Variants in TSPEAR observed in about 807,000 individuals in gnomAD.
TSPEAR encodes the protein thrombospondin-type laminin G domain and EAR repeat-containing protein.
TSPEAR carries 69 observed loss-of-function variants against 71.6 expected under a neutral mutation model. The ratio of observed to expected loss-of-function variants is 0.96; its 90% CI spans 0.79 to 1.18. TSPEAR has a LOEUF of 1.18. Ranked by LOEUF, TSPEAR falls within the 50% of genes most tolerant of loss-of-function variation. The pLI is 0.00. For synonymous variants in TSPEAR, 402 were observed against 387.2 expected (o/e 1.04, Z -0.45); for missense variants, 971 against 894.9 (o/e 1.09, Z -1.09).
intron 1 of TSPEAR, among the ~76,000 whole-genome samples, chr21:44,703,923 G>A (rs1479666544): frequency 6.6e-6 from 1 of 152,178 alleles, no homozygotes; most frequent in Admixed American, 6.5e-5. Flanking sequence ...AGTGGAGCTG[G>A]AACCGGCTGG....
rs781950338 is a variant in TSPEAR, at chr21:44,528,624, T to C, written c.791-41A>G. The C allele has an allele frequency of 2.5e-6, 4 of 1,609,144 alleles. No individual in the cohort carries two copies. The East Asian group carries it at 8.9e-5, about 36-fold the overall frequency. ...GGAAGATGAGTTTCCAGCAAGCCAG[T>C]GCCCCCAAAGGAAGACGACACAGGA... On this transcript the variant is annotated intron_variant, in intron 5 of 11. Coordinates refer to ENST00000323084, the MANE Select transcript of TSPEAR (RefSeq NM_144991.3).
intron 1 of TSPEAR, among the ~76,000 whole-genome samples, chr21:44,640,459 G>A (rs889013488): frequency 2.0e-5 from 3 of 152,224 alleles, no homozygotes; most frequent in African/African-American, 4.8e-5. Context: ...TTACATATTG[G>A]TGATGGCTGA....
At position 44,658,091 on chromosome 21, in the gene TSPEAR, G is replaced by A. The variant is rs782173625; in HGVS notation, c.82+53342C>T. 43 of 1,613,338 alleles carry A rather than the reference G, an allele frequency of 2.7e-5. No homozygotes were observed. The highest frequency in any genetic ancestry group is 2.0e-4 in the East Asian group (9 of 44,876). On this transcript the variant is annotated intron_variant, in intron 1 of 11. Coordinates refer to ENST00000323084, the MANE Select transcript of TSPEAR (RefSeq NM_144991.3). ...CTGCCAGTCCTCCGTGTGCATGCCC[G>A]TGAGCTGCACGCGCATTGTGTGCGT...
chr21:44,537,933 A>G (rs2053116931), intron 2 of TSPEAR, among the ~76,000 whole-genome samples: 2 of 152,228 alleles, frequency 1.3e-5, no homozygotes, highest in African/African-American at 2.4e-5. Context: ...CAGGGAGCTG[A>G]GAGCAGATCA....
At chr21:44,652,300 A>G (rs1555941625) in intron 1 of TSPEAR, among the ~76,000 whole-genome samples, 7 of 152,160 alleles carry the variant, frequency 4.6e-5, no homozygotes, top group Non-Finnish European at 1.5e-5. Flanking sequence ...CTAAAAGTTT[A>G]ATTTTTTTCC....
rs376779238 is a variant in TSPEAR at position 44,540,015 on chromosome 21, C to A, written c.304-6092G>T. 1.3e-5 allele frequency: 21 copies of A among 1,612,878 alleles called. No homozygotes were observed. The highest frequency in any genetic ancestry group is 1.8e-5 in the Non-Finnish European group (21 of 1,179,756). ...GACACACGGCTCACTGGGGTGCAGACCAGGGTCAGGCAGGGGGCCGGGGCG... is the reference window on the plus strand; with the variant it reads ...GACACACGGCTCACTGGGGTGCAGAACAGGGTCAGGCAGGGGGCCGGGGCG... On this transcript the variant is annotated intron_variant, in intron 2 of 11. Coordinates refer to ENST00000323084, the MANE Select transcript of TSPEAR (RefSeq NM_144991.3).
chr21:44,525,786 A>G lies in TSPEAR; in HGVS notation c.1203T>C (p.Ser401=), dbSNP rs781857914. 21 of 1,614,070 alleles carry G rather than the reference A, an allele frequency of 1.3e-5. No homozygotes were observed. The highest frequency in any genetic ancestry group is 1.8e-5 in the Non-Finnish European group (21 of 1,180,048). The part of the protein sequence containing the change: ...FEPDEKGQEF[S]VIYKWSHRKL... ...TTCTGTGGCTCCATTTGTAAATGAC[A>G]GAGAACTCCTGACCCTTCTCATCTG... The change falls in exon 8 of 12, where the codon TCT becomes TCC. Residue 401 remains serine (S), a synonymous_variant. Coordinates refer to ENST00000323084, the MANE Select transcript of TSPEAR (RefSeq NM_144991.3).
At position 44,580,013 on chromosome 21, in the gene TSPEAR, A is replaced by G. The variant is rs782020390; in HGVS notation, c.83-12008T>C. 7 of 1,595,044 alleles carry G rather than the reference A, an allele frequency of 4.4e-6. No individual in the cohort carries two copies. In the East Asian group the frequency reaches 1.6e-4, roughly 36 times the overall value. On this transcript the variant is annotated intron_variant, in intron 1 of 11. Transcript: ENST00000323084. Reference sequence around the variant, plus strand: ...AGTGGAAGCCCCAGAGCAGACGGGCACACAGCAGATGGGTTTGCAGCAGAC... The same window carrying G: ...AGTGGAAGCCCCAGAGCAGACGGGCGCACAGCAGATGGGTTTGCAGCAGAC...
chr21:44,521,836 C>T (rs782649569), intron 9 of TSPEAR, 47 bp downstream of exon 9: 24 of 1,553,332 alleles, frequency 1.5e-5, no homozygotes, highest in Middle Eastern at 1.8e-4. Context: ...AGGTGACAGA[C>T]GCAGTGGCCA....
chr21:44,516,853 C>A (rs2052588109), intron 9 of TSPEAR, among the ~76,000 whole-genome samples: 1 of 151,984 alleles, frequency 6.6e-6, no homozygotes, highest in Admixed American at 6.5e-5. Flanking sequence ...TTGTCCCCTC[C>A]TGGGTATGGC....
chr21:44,533,787 A>C lies in TSPEAR; in HGVS notation c.440T>G (p.Phe147Cys). The change falls in exon 3 of 12, where the codon TTC becomes TGC. Residue 147 changes from phenylalanine to cysteine, a missense_variant. Coordinates refer to ENST00000323084, the MANE Select transcript of TSPEAR (RefSeq NM_144991.3). ...TAGAWQTRVS[F>C]RSPALVDGRW... ...GCCATCCACCAGGGCCGGGCTGCGG[A>C]AGGACACTCGGGTCTGCCAGGCGCC... The C allele has an allele frequency of 6.2e-7, 1 of 1,612,500 alleles. No homozygotes were observed. Among genetic ancestry groups the C allele is most frequent in the Non-Finnish European group, 8.5e-7 (1 of 1,179,880 alleles).
At position 44,575,005 on chromosome 21, in the gene TSPEAR, C is replaced by T. The variant is rs368599005; in HGVS notation, c.83-7000G>A. 2.6e-5 allele frequency: 42 copies of T among 1,605,528 alleles called. No homozygotes were observed. In the African/African-American group the frequency reaches 4.9e-4, roughly 19 times the overall value. On this transcript the variant is annotated intron_variant, in intron 1 of 11. Transcript: ENST00000323084. ...CGCCCAGCCTGCTGAGGCCTCCGCT[C>T]AGGTCAGAAGCCCAGCTGCTGATGG...
At chr21:44,572,107 T>C (rs2053809277) in intron 1 of TSPEAR, among the ~76,000 whole-genome samples, 1 of 152,172 alleles carries the variant, frequency 6.6e-6, no homozygotes, top group African/African-American at 2.4e-5. Context: ...TCCTGTGGGA[T>C]TCCTCCCCCA....
In TSPEAR at chr21:44,702,890, C is replaced by T. The variant is rs1845955835; in HGVS notation, c.82+8543G>A. The T allele has an allele frequency of 1.4e-5, 9 of 657,772 alleles. No individual in the cohort carries two copies. In the South Asian group the frequency reaches 1.4e-4, roughly 10 times the overall value. The allele number at this position is 657,772 out of a possible 1,614,324, so 40.7% of individuals were successfully genotyped here. On this transcript the variant is annotated intron_variant, in intron 1 of 11. Coordinates refer to ENST00000323084, the MANE Select transcript of TSPEAR (RefSeq NM_144991.3). ...TCAGCACACGCACTAGTACACACCG[C>T]ACTGGTACACACCACAGTGTGCAAG...
chr21:44,692,791 A>T (rs2146314535), intron 1 of TSPEAR, among the ~76,000 whole-genome samples: 1 of 152,228 alleles, frequency 6.6e-6, no homozygotes, highest in East Asian at 1.9e-4. Flanking sequence ...ACCCAAAGAA[A>T]TCTACAGATT....
intron 11 of TSPEAR, among the ~76,000 whole-genome samples, chr21:44,503,719 GC>G (rs2052108976): frequency 1.5e-5 from 2 of 134,792 alleles, no homozygotes; most frequent in African/African-American, 2.9e-5. Flanking sequence ...TGAGCCCTCG[GC>G]GGGAAGCAAG....
At chr21:44,582,726 C>A (rs1280062439) in intron 1 of TSPEAR, among the ~76,000 whole-genome samples, 2 of 152,188 alleles carry the variant, frequency 1.3e-5, no homozygotes, top group Non-Finnish European at 1.5e-5. Flanking sequence ...CTTTTTGGAT[C>A]ATGGAAATTT....
chr21:44,532,966 T>G (rs1555915908), intron 3 of TSPEAR, among the ~76,000 whole-genome samples: 1 of 152,190 alleles, frequency 6.6e-6, no homozygotes, highest in Admixed American at 6.5e-5. Flanking sequence ...AGCCTGGAGG[T>G]TGGGGAAGGA....
intron 1 of TSPEAR, among the ~76,000 whole-genome samples, chr21:44,573,164 C>T (rs1978290249): frequency 6.6e-6 from 1 of 152,140 alleles, no homozygotes; most frequent in African/African-American, 2.4e-5. Context: ...GCATACAAAC[C>T]ATGACTCACA....
Sources: allele counts gnomAD v4.1 joint callset (sites outside exome capture counted in the v4.1 genomes callset), GRCh38; gene constraint gnomAD v4.1.1; transcripts MANE v1.5; gene names NCBI Gene and HGNC (gene_info 2026-07-23, HGNC 2026-07-21).